Variants in VPS53 observed in about 807,000 individuals in gnomAD.
VPS53 encodes vacuolar protein sorting-associated protein 53 homolog.
In VPS53, 70 loss-of-function variants were observed where a neutral mutation model predicts 107.0. The observed-to-expected ratio is 0.65, with a 90% CI of 0.54 to 0.80. The LOEUF (loss-of-function observed/expected upper bound fraction) is 0.80, where lower values mean the gene tolerates loss of function less well. Ranked by LOEUF, VPS53 falls within the 30% of genes least tolerant of loss-of-function variation. VPS53 has a pLI of 0.00. For synonymous variants in VPS53, 409 were observed against 393.3 expected, an observed-to-expected ratio of 1.04 and a Z score of -0.47; for missense variants, 917 against 1,049.4, an observed-to-expected ratio of 0.87 and a Z score of 1.74.
chr17:553,753 A>G (rs948248682), intron 15 of VPS53, among the ~76,000 whole-genome samples: 5 of 151,952 alleles, frequency 3.3e-5, no homozygotes, highest in African/African-American at 9.7e-5. Flanking sequence ...TATTTTTAGT[A>G]GAGATGGGGT....
At chr17:565,403 C>CAAAAAAAAA (rs535932031) in intron 13 of VPS53, among the ~76,000 whole-genome samples, 16 of 82,486 alleles carry the variant, frequency 1.9e-4, no homozygotes, top group Non-Finnish European at 3.0e-4. Context: ...AACCCCATCT[C>CAAAAAAAAA]AAAAAAAAAA....
At chr17:526,333 A>G (rs1189695483) in intron 19 of VPS53, among the ~76,000 whole-genome samples, 1 of 152,244 alleles carries the variant, frequency 6.6e-6, no homozygotes, top group Admixed American at 6.5e-5. Flanking sequence ...CTTAAATGAC[A>G]GGAAGGGTTT....
intron 7 of VPS53, among the ~76,000 whole-genome samples, chr17:641,777 A>T (rs944675882): frequency 6.6e-6 from 1 of 152,180 alleles, no homozygotes; most frequent in Admixed American, 6.5e-5. Context: ...ATTCTTGTGA[A>T]AGTCCGCCTA....
chr17:682,707 C>G (rs140907135), intron 4 of VPS53, among the ~76,000 whole-genome samples: 25 of 151,938 alleles, frequency 1.6e-4, no homozygotes, highest in Admixed American at 3.3e-4. Context: ...ACACAAAATG[C>G]CTGGCATTCA....
intron 19 of VPS53, among the ~76,000 whole-genome samples, chr17:526,952 T>C (rs945379950): frequency 2.0e-5 from 3 of 152,228 alleles, no homozygotes; most frequent in Admixed American, 6.5e-5. Context: ...GGTCCCACCA[T>C]AGAAAATTCT....
At chr17:650,434 T>G (rs775451378) in intron 7 of VPS53, among the ~76,000 whole-genome samples, 1 of 152,042 alleles carries the variant, frequency 6.6e-6, no homozygotes, top group Non-Finnish European at 1.5e-5. Context: ...GAGTTCCAGG[T>G]TGCAGTGAGC....
intron 15 of VPS53, 75 bp downstream of exon 15, chr17:560,351 T>C: frequency 6.5e-7 from 1 of 1,526,852 alleles, no homozygotes; most frequent in Non-Finnish European, 8.8e-7. Context: ...AGGACGTATA[T>C]TCTTACTCGC....
At chr17:599,689 A>C (rs1339308004) in intron 12 of VPS53, among the ~76,000 whole-genome samples, 1 of 149,824 alleles carries the variant, frequency 6.7e-6, no homozygotes, top group African/African-American at 2.4e-5. Context: ...CCTTCCCTCC[A>C]CTATTGTCCT....
At chr17:599,452 C>G (rs1217925194) in intron 12 of VPS53, among the ~76,000 whole-genome samples, 1 of 151,272 alleles carries the variant, frequency 6.6e-6, no homozygotes, top group African/African-American at 2.4e-5. Context: ...GTGACCTTAC[C>G]CCCAACCCTG....
intron 7 of VPS53, among the ~76,000 whole-genome samples, chr17:633,869 A>G (rs75457601): frequency 0.016 from 2,367 of 152,346 alleles, 24 homozygotes; most frequent in Middle Eastern, 0.031. Context: ...ACGAGGAGGC[A>G]GCACACAGCC....
At chr17:539,586 C>T (rs1910431863) in intron 17 of VPS53, among the ~76,000 whole-genome samples, 1 of 152,160 alleles carries the variant, frequency 6.6e-6, no homozygotes, top group Non-Finnish European at 1.5e-5. Flanking sequence ...ATAGTCTCAG[C>T]TACCAGGGAG....
In VPS53 at chr17:510,785, G is replaced by T. The variant is rs11653154; in HGVS notation, c.*8343C>A. On this transcript the variant is annotated 3_prime_UTR_variant, in exon 22 of 22. Coordinates refer to ENST00000437048, the MANE Select transcript of VPS53 (RefSeq NM_001128159.3). The stretch of plus-strand genomic sequence containing the variant: ...CACAGCAGCTGGACTGTGCAGCCAG[G>T]GCCCAGGGCTACCCCAACTGACCTC... The T allele has an allele frequency of 0.033, 5,019 of 152,956 alleles. 133 individuals carry two copies. Among genetic ancestry groups the T allele is most frequent in the Admixed American group, 0.083 (1,274 of 15,286 alleles). 9.5% of individuals were successfully genotyped at this position (152,956 alleles called of 1,614,324 possible). A position where few individuals can be genotyped will look rare whatever the true frequency, so the allele number is the denominator to read the frequency against.
intron 7 of VPS53, among the ~76,000 whole-genome samples, chr17:642,636 G>C (rs406180): frequency 1.1e-3 from 157 of 137,028 alleles, no homozygotes; most frequent in South Asian, 1.9e-3. Context: ...TACTTGGAAA[G>C]CGAGGACAAC....
intron 2 of VPS53, among the ~76,000 whole-genome samples, chr17:699,872 G>C (rs1973129903): frequency 6.6e-6 from 1 of 152,228 alleles, no homozygotes; most frequent in Non-Finnish European, 1.5e-5. Context: ...AGGGGACAGA[G>C]GATATGATTT....
At chr17:552,692 G>C (rs1469417440) in intron 16 of VPS53, 1 of 166,994 alleles carries the variant, frequency 6.0e-6, no homozygotes, top group Non-Finnish European at 1.3e-5. Flanking sequence ...TCTTCTCTGT[G>C]GTTATTCTTC....
At chr17:594,197 A>T (rs1210594065) in intron 12 of VPS53, among the ~76,000 whole-genome samples, 6 of 152,210 alleles carry the variant, frequency 3.9e-5, no homozygotes, top group Non-Finnish European at 8.8e-5. Flanking sequence ...ACTGGGAGAT[A>T]TACCTAATGC....
rs372135077 is a variant in VPS53, at chr17:519,081, C to G, written c.*47G>C. ...GGAGAGGTTGGGGGCTTCTGGGGAA[C>G]GGGCGCTGAGGGTCTCCAGCCAGGA... On this transcript the variant is annotated 3_prime_UTR_variant, in exon 22 of 22. Coordinates refer to ENST00000437048, the MANE Select transcript of VPS53 (RefSeq NM_001128159.3). This position sits in a 1 kb window ranked among gnomAD's most constrained non-coding sequence, Gnocchi z 5.0. The G allele has an allele frequency of 4.1e-6, 6 of 1,453,286 alleles. No homozygotes were observed. Among genetic ancestry groups the G allele is most frequent in the Non-Finnish European group, 5.5e-6 (6 of 1,098,676 alleles). The allele number at this position is 1,453,286 out of a possible 1,614,324, so 90.0% of individuals were successfully genotyped here.
intron 2 of VPS53, among the ~76,000 whole-genome samples, chr17:710,191 G>C (rs753986345): frequency 5.3e-5 from 8 of 152,084 alleles, no homozygotes; most frequent in Non-Finnish European, 1.2e-4. Context: ...TTGAAATAGA[G>C]GTGAAAGTGG....
At position 657,118 on chromosome 17, in the gene VPS53, C is replaced by T; in HGVS notation, c.373-1165G>A. 7 of 1,176,212 alleles carry T rather than the reference C, an allele frequency of 6.0e-6. No individual in the cohort carries two copies. The South Asian group carries it at 7.3e-5, about 12-fold the overall frequency. The allele number at this position is 1,176,212 out of a possible 1,614,324, so 72.9% of individuals were successfully genotyped here. ...CCAAATCAATCTGAATGGTGTCATT[C>T]ACCTTGATGAGGGGTCAGGGTAGCG... is the stretch of plus-strand genomic sequence containing the variant. On this transcript the variant is annotated intron_variant, in intron 5 of 21. Transcript: ENST00000437048.
Sources: gnomAD v4.1 joint callset for allele counts (sites outside exome capture counted in the v4.1 genomes callset) on GRCh38, gnomAD v4.1.1 for gene constraint, Gnocchi (gnomAD v3.1) non-coding constraint, MANE v1.5 for transcripts, NCBI Gene and HGNC (gene_info 2026-07-23, HGNC 2026-07-21) for gene names.